ATL1: variants seen among roughly 807,000 people sequenced by gnomAD.
ATL1 encodes atlastin GTPase 1, also known as atlastin-1.
Under a neutral mutation model 75.5 loss-of-function variants are expected in ATL1, and 31 were observed. The observed-to-expected ratio is 0.41, with a 90% CI of 0.31 to 0.55. The LOEUF is 0.55. Among genes scored for constraint, ATL1 ranks in the 20% least tolerant of loss-of-function variants. The pLI is 0.27. For missense variants in ATL1, 405 were observed against 662.6 expected (o/e 0.61, Z 4.27); for synonymous variants, 226 against 233.3 (o/e 0.97, Z 0.28).
At chr14:50,571,751 G>A (rs1291085610) in intron 1 of ATL1, among the ~76,000 whole-genome samples, 1 of 152,054 alleles carries the variant, frequency 6.6e-6, no homozygotes, top group Admixed American at 6.6e-5. Context: ...ATATTTGCAA[G>A]CATGTTTACA....
At chr14:50,577,774 G>T (rs1256931824) in intron 1 of ATL1, among the ~76,000 whole-genome samples, 1 of 152,028 alleles carries the variant, frequency 6.6e-6, no homozygotes, top group Non-Finnish European at 1.5e-5. Context: ...GTGGTCCTTA[G>T]TACTGGCTTC....
At chr14:50,563,622 A>G (rs771578473) in intron 1 of ATL1, among the ~76,000 whole-genome samples, 2 of 152,208 alleles carry the variant, frequency 1.3e-5, no homozygotes, top group Non-Finnish European at 2.9e-5. Flanking sequence ...TCTAAGGACC[A>G]TATAACAGGT....
chr14:50,612,595 CTTTTTA>C (rs926146569), intron 6 of ATL1, among the ~76,000 whole-genome samples: 4 of 152,056 alleles, frequency 2.6e-5, no homozygotes, highest in African/African-American at 9.7e-5. Context: ...CATTTTAATA[CTTTTTA>C]TTTAAAATGC....
At chr14:50,584,101 A>ACTTTTCTATG in intron 1 of ATL1, among the ~76,000 whole-genome samples, 1 of 152,318 alleles carries the variant, frequency 6.6e-6, no homozygotes, top group Non-Finnish European at 1.5e-5. Context: ...AAGTCTGGGC[A>ACTTTTCTATG]CCGTGGTTCA....
At chr14:50,536,333 G>A (rs2038491888) in intron 1 of ATL1, among the ~76,000 whole-genome samples, 1 of 151,888 alleles carries the variant, frequency 6.6e-6, no homozygotes, top group Admixed American at 6.6e-5. Context: ...CTACTTGGGA[G>A]GCTGAGGCAG....
At chr14:50,610,525 A>G (rs1395918656) in intron 6 of ATL1, among the ~76,000 whole-genome samples, 1 of 152,126 alleles carries the variant, frequency 6.6e-6, no homozygotes, top group African/African-American at 2.4e-5. Context: ...ATTTTATTCA[A>G]AATAAGAGCT....
intron 1 of ATL1, among the ~76,000 whole-genome samples, chr14:50,578,596 A>C (rs2039028233): frequency 6.6e-6 from 1 of 151,880 alleles, no homozygotes; most frequent in Non-Finnish European, 1.5e-5. Flanking sequence ...ACTCTCCCAC[A>C]CACTTTTTTT....
At position 50,589,877 on chromosome 14, in the gene ATL1, C is replaced by T. The variant is rs77366701; in HGVS notation, c.283-1064C>T. On this transcript the variant is annotated intron_variant, in intron 2 of 13. Coordinates refer to ENST00000358385, the MANE Select transcript of ATL1 (RefSeq NM_015915.5). ...GTCCTCTCCCAAATTCCTCTGCATTCGTTACTGTAAGGTTTTAGATTGGAC... is the reference window on the plus strand; with the variant it reads ...GTCCTCTCCCAAATTCCTCTGCATTTGTTACTGTAAGGTTTTAGATTGGAC... Among the ~76,000 whole-genome samples the T allele has an allele frequency of 6.8e-3, 1,040 of 152,220 alleles. 8 individuals are homozygous for T. The highest frequency in any genetic ancestry group is 9.4e-3 in the Non-Finnish European group (642 of 68,008).
At chr14:50,589,156 T>C (rs2039130611) in intron 2 of ATL1, among the ~76,000 whole-genome samples, 2 of 73,756 alleles carry the variant, frequency 2.7e-5, no homozygotes, top group South Asian at 7.3e-4. Context: ...TCTTTCTTTC[T>C]TTTTTTTTTT....
At chr14:50,540,940 G>A (rs998375993) in intron 1 of ATL1, among the ~76,000 whole-genome samples, 7 of 152,166 alleles carry the variant, frequency 4.6e-5, no homozygotes, top group Non-Finnish European at 1.0e-4. Flanking sequence ...CTCTTGGCTT[G>A]TGCAATAGCC....
At chr14:50,570,969 G>A (rs1322463266) in intron 1 of ATL1, among the ~76,000 whole-genome samples, 3 of 152,096 alleles carry the variant, frequency 2.0e-5, no homozygotes, top group Non-Finnish European at 4.4e-5. Flanking sequence ...GCCTTTCCCT[G>A]GGCAGTAACT....
chr14:50,580,068 G>T (rs779484932), intron 1 of ATL1, among the ~76,000 whole-genome samples: 1 of 151,984 alleles, frequency 6.6e-6, no homozygotes, highest in Non-Finnish European at 1.5e-5. Context: ...ATATAGTCAC[G>T]TTATGACTAC....
At chr14:50,533,184 C>T (rs116603790) in exon 1 of ATL1, 1 of 152,370 alleles carries the variant, frequency 6.6e-6, no homozygotes, top group African/African-American at 2.4e-5. Flanking sequence ...TGACCTTTGT[C>T]CCTGTTGGGC....
At chr14:50,542,000 C>G (rs985143814) in intron 1 of ATL1, among the ~76,000 whole-genome samples, 1 of 91,432 alleles carries the variant, frequency 1.1e-5, no homozygotes, top group African/African-American at 4.8e-5. Context: ...GAGCGAGATT[C>G]CGTCTCAAAA....
intron 1 of ATL1, among the ~76,000 whole-genome samples, chr14:50,562,448 C>T (rs2038859143): frequency 6.6e-6 from 1 of 152,190 alleles, no homozygotes; most frequent in African/African-American, 2.4e-5. Flanking sequence ...TGCAGACTCT[C>T]CCATCTTCCA....
intron 1 of ATL1, among the ~76,000 whole-genome samples, chr14:50,572,695 C>A (rs1187363822): frequency 6.6e-6 from 1 of 151,932 alleles, no homozygotes; most frequent in Non-Finnish European, 1.5e-5. Context: ...TTCAGCTTTT[C>A]TTCTTTTTCT....
chr14:50,621,697 G>A, intron 9 of ATL1, 146 bp from the exon 10 acceptor site: 1 of 647,916 alleles, frequency 1.5e-6, no homozygotes, highest in Non-Finnish European at 2.7e-6. Flanking sequence ...TAAGAAAAAA[G>A]GGAATTTAAG....
At chr14:50,606,340 A>T (rs961836086) in intron 6 of ATL1, among the ~76,000 whole-genome samples, 1 of 151,958 alleles carries the variant, frequency 6.6e-6, no homozygotes, top group Non-Finnish European at 1.5e-5. Flanking sequence ...TACAAAAATT[A>T]GTGTTGTTTA....
intron 1 of ATL1, among the ~76,000 whole-genome samples, chr14:50,573,143 C>T (rs557317792): frequency 2.4e-4 from 37 of 152,258 alleles, no homozygotes; most frequent in African/African-American, 7.7e-4. Flanking sequence ...AATTACAATT[C>T]GGATTACAAT....
Sources: allele counts gnomAD v4.1 joint callset (sites outside exome capture counted in the v4.1 genomes callset), GRCh38; gene constraint gnomAD v4.1.1; transcripts MANE v1.5; gene names NCBI Gene and HGNC (gene_info 2026-07-23, HGNC 2026-07-21).